The following TSGA10 variants were observed in gnomAD, a reference collection of about 807,000 sequenced individuals.
TSGA10 encodes the protein testis-specific gene 10 protein.
TSGA10 carries 43 observed loss-of-function variants against 96.6 expected under a neutral mutation model. That is an observed-to-expected ratio of 0.44 (90% CI 0.35 to 0.57). The LOEUF (loss-of-function observed/expected upper bound fraction) is 0.57. Ranked by LOEUF, TSGA10 falls within the 20% of genes least tolerant of loss-of-function variation. The pLI is 0.01. For missense variants in TSGA10, 703 were observed against 834.4 expected, an observed-to-expected ratio of 0.84 and a Z score of 1.94; for synonymous variants, 229 against 269.9, an observed-to-expected ratio of 0.85 and a Z score of 1.48.
At chr2:99,031,335 C>A (rs1324178892) in intron 17 of TSGA10, among the ~76,000 whole-genome samples, 1 of 137,380 alleles carries the variant, frequency 7.3e-6, no homozygotes, top group African/African-American at 2.6e-5. Context: ...CAACCTCACA[C>A]TTTACGCAGA....
intron 16 of TSGA10, among the ~76,000 whole-genome samples, chr2:99,060,149 A>G (rs1328573278): frequency 6.6e-6 from 1 of 152,210 alleles, no homozygotes; most frequent in Non-Finnish European, 1.5e-5. Context: ...TTGCATACGT[A>G]GAAAATCCTT....
At chr2:99,038,789 C>T (rs1170430262) in intron 16 of TSGA10, among the ~76,000 whole-genome samples, 2 of 152,124 alleles carry the variant, frequency 1.3e-5, no homozygotes, top group South Asian at 4.1e-4. Context: ...AACAAATGCA[C>T]TTCACAGATA....
chr2:99,078,041 G>A (rs2086944400), intron 12 of TSGA10, among the ~76,000 whole-genome samples: 1 of 151,390 alleles, frequency 6.6e-6, no homozygotes, highest in African/African-American at 2.4e-5. Flanking sequence ...GGAGGCTGAG[G>A]TGGGCGGATC....
intron 1 of TSGA10, chr2:99,141,235 G>A (rs2093537649): frequency 1.0e-6 from 1 of 979,304 alleles, no homozygotes; most frequent in Non-Finnish European, 1.3e-6. Flanking sequence ...CCCCCAAATC[G>A]TCCTGGCCCC....
chr2:99,143,133 C>CT (rs10605521), intron 1 of TSGA10, among the ~76,000 whole-genome samples: 891 of 82,184 alleles, frequency 0.011, 87 homozygotes, highest in African/African-American at 0.029. Context: ...CCAACTAAAC[C>CT]TTTTTTTTTT....
At chr2:99,013,534 T>C (rs2079196835) in intron 20 of TSGA10, among the ~76,000 whole-genome samples, 13 of 151,210 alleles carry the variant, frequency 8.6e-5, no homozygotes, top group Admixed American at 8.6e-4. Flanking sequence ...GGTTTTACCA[T>C]GTTAGCCAGG....
chr2:99,079,607 GTTTACCTACTCTAGGTATTAGA>G (rs2087177538), intron 11 of TSGA10, among the ~76,000 whole-genome samples: 1 of 152,150 alleles, frequency 6.6e-6, no homozygotes, highest in African/African-American at 2.4e-5. Flanking sequence ...GTCTAGAGGA[GTTTACCTACTCTAGGTATTAGA>G]TTTACCTACA....
chr2:99,062,623 C>A (rs2084822826), intron 16 of TSGA10, among the ~76,000 whole-genome samples: 1 of 152,012 alleles, frequency 6.6e-6, no homozygotes, highest in Non-Finnish European at 1.5e-5. Context: ...GTAGTGTTAG[C>A]CACTTGGAGG....
chr2:99,141,251 G>T, intron 1 of TSGA10: 1 of 914,576 alleles, frequency 1.1e-6, no homozygotes, highest in Non-Finnish European at 1.4e-6. Context: ...GCCCCGCCCC[G>T]GCGGATCGGA....
At chr2:99,017,444 G>A (rs1200039453) in intron 20 of TSGA10, among the ~76,000 whole-genome samples, 9 of 152,194 alleles carry the variant, frequency 5.9e-5, no homozygotes, top group Non-Finnish European at 2.9e-5. Context: ...TTAAGTGAGA[G>A]TTAAGCTATG....
intron 1 of TSGA10, chr2:99,141,127 GC>G: frequency 7.8e-7 from 1 of 1,280,528 alleles, no homozygotes; most frequent in Non-Finnish European, 1.0e-6. Context: ...CCGCCGTCCT[GC>G]CCAGAGCTCA....
In TSGA10 at chr2:99,147,464, C is replaced by A. The variant is rs1035424568; in HGVS notation, c.-621+7229G>T. Reference sequence around the variant, plus strand: ...GAGGCCCCCAATAGACTTGTTCACCCTTCATGTCCTCAACTCTGGGGAAGT... The same window carrying A: ...GAGGCCCCCAATAGACTTGTTCACCATTCATGTCCTCAACTCTGGGGAAGT... On this transcript the variant is annotated intron_variant, in intron 1 of 20. Coordinates refer to ENST00000393483, the MANE Select transcript of TSGA10 (RefSeq NM_025244.4). 4 of 1,613,790 alleles carry A rather than the reference C, an allele frequency of 2.5e-6. No homozygotes were observed. The African/African-American group carries it at 4.0e-5, about 16-fold the overall frequency.
intron 1 of TSGA10, chr2:99,142,182 G>A (rs2093573014): frequency 6.6e-6 from 1 of 152,182 alleles, no homozygotes; most frequent in Non-Finnish European, 1.5e-5. Flanking sequence ...AGAATGGGGG[G>A]GAAAAAAGTC....
chr2:99,039,335 T>TAC (rs2081980093), intron 16 of TSGA10, among the ~76,000 whole-genome samples: 1 of 140,094 alleles, frequency 7.1e-6, no homozygotes, highest in Non-Finnish European at 1.6e-5. Flanking sequence ...CTACAAAAGA[T>TAC]AAAAGAAACA....
chr2:99,015,239 A>G (rs2079400693), intron 20 of TSGA10, among the ~76,000 whole-genome samples: 1 of 152,162 alleles, frequency 6.6e-6, no homozygotes, highest in Non-Finnish European at 1.5e-5. Flanking sequence ...CAGAAGTCCT[A>G]AACATCAAAT....
At chr2:99,149,098 C>G (rs1169373277) in intron 1 of TSGA10, among the ~76,000 whole-genome samples, 1 of 148,070 alleles carries the variant, frequency 6.8e-6, no homozygotes, top group Admixed American at 6.9e-5. Context: ...TTTAACCTGC[C>G]GGGTGGAGGT....
chr2:99,051,468 A>G (rs1269601509), intron 16 of TSGA10, among the ~76,000 whole-genome samples: 1 of 152,186 alleles, frequency 6.6e-6, no homozygotes, highest in Non-Finnish European at 1.5e-5. Flanking sequence ...TCAGTAACAA[A>G]GCACTAAGTA....
Position 99,109,063 on chromosome 2 carries a change from T to C in TSGA10, c.52-72A>G, listed in dbSNP as rs984826865. On this transcript the variant is annotated intron_variant, in intron 6 of 20. Coordinates refer to ENST00000393483, the MANE Select transcript of TSGA10 (RefSeq NM_025244.4). ...GATAGAAAGGTGCTACTGATGGTAG[T>C]GCCCAATTTCTATTTAAGAAAATAA... The C allele has an allele frequency of 4.1e-4, 461 of 1,130,572 alleles. 5 individuals are homozygous for C. Among genetic ancestry groups the C allele is most frequent in the Admixed American group, 2.6e-4 (9 of 34,854 alleles). 70.0% of individuals were successfully genotyped at this position (1,130,572 alleles called of 1,614,324 possible). A position where few individuals can be genotyped will look rare whatever the true frequency, so the allele number is the denominator to read the frequency against.
chr2:99,140,644 T>G (rs2093500840), intron 1 of TSGA10, among the ~76,000 whole-genome samples: 2 of 152,164 alleles, frequency 1.3e-5, no homozygotes. Context: ...GAGATTTTCA[T>G]GCAAATGCCT....
Sources: allele counts gnomAD v4.1 joint callset (sites outside exome capture counted in the v4.1 genomes callset), GRCh38; gene constraint gnomAD v4.1.1; transcripts MANE v1.5; gene names NCBI Gene and HGNC (gene_info 2026-07-23, HGNC 2026-07-21).